Variants in STON2 observed in about 807,000 individuals in gnomAD.
STON2 encodes stonin-2.
In STON2, 29 loss-of-function variants were observed where a neutral mutation model predicts 65.7. That is an observed-to-expected ratio of 0.44 (90% CI 0.33 to 0.60). The LOEUF (loss-of-function observed/expected upper bound fraction) is 0.60. Among genes scored for constraint, STON2 ranks in the 20% least tolerant of loss-of-function variants. The pLI is 0.03. For synonymous variants in STON2, 404 were observed against 414.2 expected (o/e 0.98, Z 0.30); for missense variants, 1,054 against 1,118.1 (o/e 0.94, Z 0.82).
intron 3 of STON2, among the ~76,000 whole-genome samples, chr14:81,388,052 C>T (rs564918067): frequency 4.6e-4 from 67 of 145,856 alleles, no homozygotes; most frequent in African/African-American, 1.6e-3. Context: ...CAGGTTCAAG[C>T]GATTCTCCTG....
chr14:81,351,178 CTTTTTTT>C (rs370421507), intron 4 of STON2, among the ~76,000 whole-genome samples: 2 of 127,922 alleles, frequency 1.6e-5, no homozygotes, highest in African/African-American at 5.8e-5. Flanking sequence ...GTAAGCTCTT[CTTTTTTT>C]TTTTTTTTTT....
rs759410986 is a variant in STON2, at chr14:81,277,676, A to C, written c.1806T>G (p.Val602=). Residue 602 remains valine, a synonymous_variant, in exon 6 of 8, where the codon GTT becomes GTG. Transcript: ENST00000614646. ...YDDFLSFIHA[V]QDRLMDLPVL... is the part of the protein sequence containing the mutation. ...CTGGCAGATCCATGAGACGGTCCTG[A>C]ACTGCATGGATGAAACTCAGGAAGT... is the stretch of plus-strand genomic sequence containing the variant. The C allele has an allele frequency of 3.7e-6, 6 of 1,614,142 alleles. No homozygotes were observed. In the East Asian group the frequency reaches 1.3e-4, roughly 36 times the overall value.
intron 5 of STON2, among the ~76,000 whole-genome samples, chr14:81,307,935 G>T (rs1896247063): frequency 6.6e-6 from 1 of 152,142 alleles, no homozygotes; most frequent in Non-Finnish European, 1.5e-5. Context: ...GTTATATGTG[G>T]ATTTTCTACT....
chr14:81,320,302 T>C (rs1034715111), intron 5 of STON2, among the ~76,000 whole-genome samples: 12 of 150,726 alleles, frequency 8.0e-5, no homozygotes, highest in African/African-American at 2.2e-4. Context: ...CTATGAATTC[T>C]GTTGGCTAAA....
At chr14:81,334,130 G>A (rs1897296251) in intron 4 of STON2, among the ~76,000 whole-genome samples, 1 of 152,170 alleles carries the variant, frequency 6.6e-6, no homozygotes, top group Admixed American at 6.5e-5. Flanking sequence ...ATGCTGAAAG[G>A]CCAGGTAAGA....
chr14:81,410,890 T>C (rs1018634133), intron 2 of STON2, among the ~76,000 whole-genome samples: 1 of 152,228 alleles, frequency 6.6e-6, no homozygotes, highest in Non-Finnish European at 1.5e-5. Flanking sequence ...GGGACTGAAC[T>C]TCAACTAAAA....
intron 3 of STON2, among the ~76,000 whole-genome samples, chr14:81,372,592 A>C (rs1899057249): frequency 6.6e-6 from 1 of 151,346 alleles, no homozygotes; most frequent in African/African-American, 2.4e-5. Flanking sequence ...ATATCATTGC[A>C]AATTTACCAA....
rs185871857 is a variant in STON2 at position 81,412,339 on chromosome 14, G to A, written c.-198-13759C>T. On this transcript the variant is annotated intron_variant, in intron 2 of 8. Transcript: ENST00000553821. ...GATGGTGGCCTGAAACAACCTAGGCGTCCGATGATGAATGGGATGGATAAG... is the reference window on the plus strand; with the variant it reads ...GATGGTGGCCTGAAACAACCTAGGCATCCGATGATGAATGGGATGGATAAG... Among the ~76,000 whole-genome samples, 67 of 139,830 alleles carry A rather than the reference G, an allele frequency of 4.8e-4. 13 individuals are homozygous for A. Among genetic ancestry groups the A allele is most frequent in the Admixed American group, 2.6e-3 (37 of 14,084 alleles). 91.7% of individuals were successfully genotyped at this position (139,830 alleles called of 152,430 possible).
At chr14:81,427,571 T>C (rs1467104774) in intron 1 of STON2, among the ~76,000 whole-genome samples, 2 of 152,114 alleles carry the variant, frequency 1.3e-5, no homozygotes, top group African/African-American at 2.4e-5. Flanking sequence ...GAGCTGGCTG[T>C]GTTGCAGACA....
chr14:81,403,907 C>T (rs985890952), upstream of STON2, among the ~76,000 whole-genome samples: 1 of 152,206 alleles, frequency 6.6e-6, no homozygotes, highest in East Asian at 1.9e-4. Context: ...CTGATACTAT[C>T]TTAACTTACA....
Position 81,360,109 on chromosome 14 carries a change from T to G in STON2, c.571+10879A>C, listed in dbSNP as rs181854888. On this transcript the variant is annotated intron_variant, in intron 4 of 7. Transcript: ENST00000614646. ...TTGTCTTAAAAGAAATGTTTTTAAA[T>G]AAAGAAGAATTCCAATCCTCACAAA... Among the ~76,000 whole-genome samples the G allele has an allele frequency of 1.7e-3, 255 of 152,128 alleles. 3 individuals carry two copies. Among genetic ancestry groups the G allele is most frequent in the African/African-American group, 5.8e-3 (240 of 41,496 alleles).
chr14:81,281,922 C>T (rs1342850520), intron 5 of STON2, among the ~76,000 whole-genome samples: 2 of 151,974 alleles, frequency 1.3e-5, no homozygotes, highest in Non-Finnish European at 2.9e-5. Context: ...ATTATCTTCC[C>T]TTTGGCAGTT....
intron 4 of STON2, among the ~76,000 whole-genome samples, chr14:81,356,641 T>A (rs1170214214): frequency 6.6e-6 from 1 of 152,128 alleles, no homozygotes; most frequent in Non-Finnish European, 1.5e-5. Flanking sequence ...CTGGTCCTGG[T>A]CTCTTTTTGG....
At chr14:81,400,478 C>CA (rs5810028), upstream of STON2, among the ~76,000 whole-genome samples, 4,493 of 96,640 alleles carry the variant, frequency 0.046, 218 homozygotes, top group Middle Eastern at 0.062. Context: ...CAGCACCCGT[C>CA]AAAAAAAAAA....
intron 5 of STON2, among the ~76,000 whole-genome samples, chr14:81,310,964 C>T (rs1208542735): frequency 3.9e-5 from 6 of 152,118 alleles, no homozygotes; most frequent in Non-Finnish European, 8.8e-5. Flanking sequence ...TCTCTGTCTT[C>T]TATGGTGAGT....
intron 5 of STON2, among the ~76,000 whole-genome samples, chr14:81,299,882 AAATTTTTTTTTT>A (rs1895903058): frequency 8.6e-6 from 1 of 116,506 alleles, no homozygotes; most frequent in Non-Finnish European, 1.7e-5. Context: ...GATGGAAAAA[AAATTTTTTTTTT>A]TTTTAAATTG....
chr14:81,267,695 A>G lies in STON2; in HGVS notation c.*719T>C, dbSNP rs1284500081. The G allele has an allele frequency of 2.0e-6, 2 of 985,238 alleles. No homozygotes were observed. Among genetic ancestry groups the G allele is most frequent in the African/African-American group, 3.5e-5 (2 of 57,202 alleles). The allele number at this position is 985,238 out of a possible 1,614,324, so 61.0% of individuals were successfully genotyped here. A position where few individuals can be genotyped will look rare whatever the true frequency, so the allele number is the denominator to read the frequency against. On this transcript the variant is annotated 3_prime_UTR_variant, in exon 8 of 8. Coordinates refer to ENST00000614646, the MANE Select transcript of STON2 (RefSeq NM_001394390.1). ...TAATTTTGCCTTCCCCTCAACACCC[A>G]TTTTGCAGAATGTGGGTCCATTCAC...
intron 4 of STON2, among the ~76,000 whole-genome samples, chr14:81,356,137 T>G (rs1001462753): frequency 3.3e-5 from 5 of 152,230 alleles, no homozygotes; most frequent in African/African-American, 1.2e-4. Context: ...TGATATTGCC[T>G]GTGGGTTTGT....
At chr14:81,301,822 CTGT>C (rs1295186136) in intron 5 of STON2, among the ~76,000 whole-genome samples, 3 of 106,696 alleles carry the variant, frequency 2.8e-5, no homozygotes, top group Admixed American at 1.0e-4. Flanking sequence ...GAACAAATAA[CTGT>C]TATTAGTCAT....
Sources: gnomAD v4.1 joint callset for allele counts (sites outside exome capture counted in the v4.1 genomes callset) on GRCh38, gnomAD v4.1.1 for gene constraint, MANE v1.5 for transcripts, NCBI Gene and HGNC (gene_info 2026-07-23, HGNC 2026-07-21) for gene names.